CNTN5: variants seen among roughly 807,000 people sequenced by gnomAD.
The protein encoded by CNTN5 is contactin 5.
A neutral mutation model predicts 129.1 loss-of-function variants in CNTN5; 77 were observed. The ratio of observed to expected loss-of-function variants is 0.60; its 90% CI spans 0.50 to 0.72. The LOEUF is 0.72. Ranked by LOEUF, CNTN5 falls within the 30% of genes least tolerant of loss-of-function variation. The pLI, the probability that CNTN5 is intolerant of heterozygous loss-of-function variation, is 0.00. For synonymous variants in CNTN5, 509 were observed against 465.6 expected (o/e 1.09, Z -1.20); for missense variants, 1,478 against 1,328.8 (o/e 1.11, Z -1.75).
intron 3 of CNTN5, among the ~76,000 whole-genome samples, chr11:99,779,957 C>A (rs541399396): frequency 6.6e-6 from 1 of 151,826 alleles, no homozygotes; most frequent in South Asian, 2.1e-4. Context: ...TGTTCCATGG[C>A]GCAATGATCC....
rs1046460742 is a variant in CNTN5 at position 100,258,441 on chromosome 11, C to T, written c.2164+2523C>T. On this transcript the variant is annotated intron_variant, in intron 17 of 24. Coordinates refer to ENST00000524871, the MANE Select transcript of CNTN5 (RefSeq NM_014361.4). ...CAAATTCAGGAAATAGAGAGAACACCACAAAGATACTCCTCAAGAAGAGAA... is the reference window on the plus strand; with the variant it reads ...CAAATTCAGGAAATAGAGAGAACACTACAAAGATACTCCTCAAGAAGAGAA... Among the ~76,000 whole-genome samples, 4 of 152,176 alleles carry T rather than the reference C, an allele frequency of 2.6e-5. No individual in the cohort carries two copies. The East Asian group carries it at 7.7e-4, about 29-fold the overall frequency.
chr11:99,754,143 G>C (rs1448086193), intron 3 of CNTN5, among the ~76,000 whole-genome samples: 1 of 152,140 alleles, frequency 6.6e-6, no homozygotes, highest in African/African-American at 2.4e-5. Flanking sequence ...TTGTCCATTT[G>C]ATTGCTTAGC....
chr11:100,020,486 T>TA (rs1412305799), intron 9 of CNTN5, among the ~76,000 whole-genome samples: 16 of 152,122 alleles, frequency 1.1e-4, no homozygotes, highest in Admixed American at 7.2e-4. Flanking sequence ...TCCATATGCC[T>TA]ATATGTCTGT....
At chr11:100,099,089 A>G (rs1336122369) in intron 13 of CNTN5, among the ~76,000 whole-genome samples, 4 of 152,112 alleles carry the variant, frequency 2.6e-5, no homozygotes. Context: ...ATTTGCAGCC[A>G]ATTTTGTAAA....
chr11:99,841,488 A>C (rs866466632), intron 4 of CNTN5, among the ~76,000 whole-genome samples: 1 of 152,010 alleles, frequency 6.6e-6, no homozygotes, highest in African/African-American at 2.4e-5. Flanking sequence ...AGAAATGACT[A>C]TGATACTGAG....
chr11:99,924,896 G>A (rs2136049647), intron 7 of CNTN5, among the ~76,000 whole-genome samples: 1 of 152,140 alleles, frequency 6.6e-6, no homozygotes, highest in East Asian at 1.9e-4. Flanking sequence ...AAGAAGTAAG[G>A]GTGTGTAAAT....
rs1451583492 is a variant in CNTN5 at position 99,035,842 on chromosome 11, G to T, written c.-210+14572G>T. 2.7e-5 allele frequency among the ~76,000 whole-genome samples: 4 copies of T among 150,822 alleles called. No individual in the cohort carries two copies. In the East Asian group the frequency reaches 5.9e-4, roughly 22 times the overall value. The stretch of plus-strand genomic sequence containing the variant: ...TGTTAGCTGGTTATTTTGCTCGTTA[G>T]TTGATGCAGTTTCTTCCTAGTCTCG... On this transcript the variant is annotated intron_variant, in intron 1 of 24. Transcript: ENST00000524871.
At chr11:99,492,871 G>A (rs111787284) in intron 2 of CNTN5, among the ~76,000 whole-genome samples, 3,592 of 152,250 alleles carry the variant, frequency 0.024, 52 homozygotes, top group Middle Eastern at 0.061. Context: ...AGGGGACACC[G>A]TGAGGACCGT....
intron 2 of CNTN5, among the ~76,000 whole-genome samples, chr11:99,356,950 A>G (rs2136097520): frequency 6.6e-6 from 1 of 152,352 alleles, no homozygotes; most frequent in Non-Finnish European, 1.5e-5. Flanking sequence ...ACATGTGTAT[A>G]TAACACCAAG....
At chr11:99,678,326 G>A (rs958650838) in intron 3 of CNTN5, among the ~76,000 whole-genome samples, 1 of 150,718 alleles carries the variant, frequency 6.6e-6, no homozygotes, top group East Asian at 1.9e-4. Context: ...TACAAAGAAG[G>A]ATTATATACT....
chr11:100,009,112 T>C (rs1208312574), intron 9 of CNTN5, among the ~76,000 whole-genome samples: 1 of 152,112 alleles, frequency 6.6e-6, no homozygotes, highest in Non-Finnish European at 1.5e-5. Context: ...TTTACCAACC[T>C]GCCTCATTTG....
chr11:99,749,508 C>A (rs1449407693), intron 3 of CNTN5, among the ~76,000 whole-genome samples: 1 of 152,154 alleles, frequency 6.6e-6, no homozygotes. Flanking sequence ...ATTAGATATT[C>A]TTTTTAAATA....
intron 2 of CNTN5, among the ~76,000 whole-genome samples, chr11:99,490,770 T>C (rs182155182): frequency 1.5e-4 from 23 of 152,194 alleles, no homozygotes; most frequent in African/African-American, 5.5e-4. Context: ...AGTGGAACAG[T>C]TTATCCATGG....
rs181244393 is a variant in CNTN5, at chr11:99,992,296, C to A, written c.878-9738C>A. Reference sequence around the variant, plus strand: ...TAGACATTGGCCTATCAGAACAAGACCTTCAGCCAATGAGGAAAAACACTC... The same window carrying A: ...TAGACATTGGCCTATCAGAACAAGAACTTCAGCCAATGAGGAAAAACACTC... On this transcript the variant is annotated intron_variant, in intron 8 of 24. Transcript: ENST00000524871. Among the ~76,000 whole-genome samples the A allele has an allele frequency of 1.5e-3, 224 of 152,292 alleles. 1 individual carries two copies. The highest frequency in any genetic ancestry group is 3.4e-3 in the Middle Eastern group (1 of 294).
At chr11:99,766,066 G>A (rs1254733348) in intron 3 of CNTN5, among the ~76,000 whole-genome samples, 1 of 151,850 alleles carries the variant, frequency 6.6e-6, no homozygotes, top group Non-Finnish European at 1.5e-5. Context: ...AAATGTTATT[G>A]CAAATAATAT....
At chr11:99,275,857 A>G (rs1863402175) in intron 1 of CNTN5, among the ~76,000 whole-genome samples, 1 of 151,670 alleles carries the variant, frequency 6.6e-6, no homozygotes, top group African/African-American at 2.4e-5. Context: ...ATTTGACCAA[A>G]AAAGTTACAA....
intron 1 of CNTN5, among the ~76,000 whole-genome samples, chr11:99,164,156 T>G (rs1424204481): frequency 2.0e-5 from 3 of 151,868 alleles, no homozygotes; most frequent in African/African-American, 7.3e-5. Flanking sequence ...TGAAACCCTG[T>G]CTCTACTAAA....
At chr11:99,852,392 G>A (rs1947900896) in intron 6 of CNTN5, among the ~76,000 whole-genome samples, 2 of 152,144 alleles carry the variant, frequency 1.3e-5, no homozygotes, top group South Asian at 4.1e-4. Flanking sequence ...GCCCAGGCTG[G>A]TCTTGAGCTC....
rs540970884 is a variant in CNTN5 at position 99,659,215 on chromosome 11, T to A, written c.55+102946T>A. Among the ~76,000 whole-genome samples the A allele has an allele frequency of 3.3e-5, 5 of 152,050 alleles. No individual in the cohort carries two copies. The South Asian group carries it at 8.3e-4, about 25-fold the overall frequency. On this transcript the variant is annotated intron_variant, in intron 3 of 24. Transcript: ENST00000524871. Reference sequence around the variant, plus strand: ...GAGGACCTCTGAGAAGCAGAGAAAGTCAGACTTTCTGAATGAGTAATAAAA... The same window carrying A: ...GAGGACCTCTGAGAAGCAGAGAAAGACAGACTTTCTGAATGAGTAATAAAA...
Sources: gnomAD v4.1 joint callset for allele counts (sites outside exome capture counted in the v4.1 genomes callset) on GRCh38, gnomAD v4.1.1 for gene constraint, MANE v1.5 for transcripts, NCBI Gene and HGNC (gene_info 2026-07-23, HGNC 2026-07-21) for gene names.